The following TEAD1 variants were observed in gnomAD, a reference collection of about 807,000 sequenced individuals.
TEAD1 encodes transcriptional enhancer factor TEF-1.
In TEAD1, 9 loss-of-function variants were observed where a neutral mutation model predicts 54.9. The observed-to-expected ratio is 0.16, with a 90% CI of 0.10 to 0.29. The LOEUF is 0.29. Among genes scored for constraint, TEAD1 ranks in the 10% least tolerant of loss-of-function variants. The probability of loss-of-function intolerance (pLI) is 1.00; values close to 1 mark genes in which losing one functional copy is unlikely to be tolerated. For missense variants in TEAD1, 387 were observed against 535.9 expected (o/e 0.72, Z 2.74); for synonymous variants, 200 against 187.8 (o/e 1.07, Z -0.53).
chr11:12,936,345 T>G (rs1949098756), intron 12 of TEAD1, among the ~76,000 whole-genome samples: 2 of 152,164 alleles, frequency 1.3e-5, no homozygotes, highest in South Asian at 4.1e-4. Context: ...TCACAATACA[T>G]TTTGAAAGAT....
At chr11:12,889,929 C>T (rs1330509502) in intron 9 of TEAD1, among the ~76,000 whole-genome samples, 2 of 151,966 alleles carry the variant, frequency 1.3e-5, no homozygotes, top group African/African-American at 2.4e-5. Context: ...ACTATGTTGC[C>T]CAAGCTGGTC....
chr11:12,850,086 T>C (rs1451304688), intron 3 of TEAD1, among the ~76,000 whole-genome samples: 1 of 152,170 alleles, frequency 6.6e-6, no homozygotes, highest in East Asian at 1.9e-4. Flanking sequence ...TAGGACCCTA[T>C]ATATCAGTTC....
At position 12,893,378 on chromosome 11, in the gene TEAD1, C is replaced by T. The variant is rs934153482; in HGVS notation, c.700-8562C>T. Among the ~76,000 whole-genome samples, 6 of 152,298 alleles carry T rather than the reference C, an allele frequency of 3.9e-5. No homozygotes were observed. The East Asian group carries it at 9.7e-4, about 25-fold the overall frequency. On this transcript the variant is annotated intron_variant, in intron 9 of 12. Coordinates refer to ENST00000527636, the MANE Select transcript of TEAD1 (RefSeq NM_021961.6). ...GCCCTTGCCGAGCCACCTGCGAGCC[C>T]CTCCCGGCCCAGGGCACACTCTCTT... is the stretch of plus-strand genomic sequence containing the variant.
chr11:12,911,063 CTAT>C (rs1948609562), intron 10 of TEAD1, among the ~76,000 whole-genome samples: 1 of 152,098 alleles, frequency 6.6e-6, no homozygotes, highest in Non-Finnish European at 1.5e-5. Context: ...CTTTCTTAAC[CTAT>C]TATTTTTAAA....
chr11:12,856,883 T>G (rs1947393624), intron 3 of TEAD1, among the ~76,000 whole-genome samples: 1 of 152,174 alleles, frequency 6.6e-6, no homozygotes, highest in African/African-American at 2.4e-5. Flanking sequence ...TCTTTCTTGG[T>G]GGCTCCCTGA....
chr11:12,857,613 T>TGTGTGTGTGTGTGTGTGTGTGTGTGTGTG (rs1554942771), intron 3 of TEAD1, among the ~76,000 whole-genome samples: 2 of 151,108 alleles, frequency 1.3e-5, no homozygotes, highest in African/African-American at 4.9e-5. Flanking sequence ...TGTGTGTGTG[T>TGTGTGTGTGTGTGTGTGTGTGTGTGTGTG]TAGAAGATCA....
chr11:12,753,783 T>G (rs1474778001), intron 2 of TEAD1, among the ~76,000 whole-genome samples: 1 of 152,218 alleles, frequency 6.6e-6, no homozygotes. Flanking sequence ...TGATTAGTGC[T>G]TTTGTGTTCC....
chr11:12,788,062 G>A (rs542972372), intron 3 of TEAD1, among the ~76,000 whole-genome samples: 32 of 150,544 alleles, frequency 2.1e-4, no homozygotes, highest in Non-Finnish European at 4.0e-4. Context: ...TCCAGAGTTC[G>A]GGTGATTTTC....
chr11:12,678,844 A>G (rs1047413766), intron 2 of TEAD1, among the ~76,000 whole-genome samples: 1 of 152,214 alleles, frequency 6.6e-6, no homozygotes, highest in African/African-American at 2.4e-5. Context: ...TTGAAATTTG[A>G]CCATTTTTTC....
intron 4 of TEAD1, chr11:12,864,622 GTTTT>G: frequency 1.1e-6 from 1 of 948,864 alleles, no homozygotes. Context: ...TTCCTTTTTT[GTTTT>G]GTTTTGTTTT....
At chr11:12,758,407 T>C (rs867817727) in intron 2 of TEAD1, among the ~76,000 whole-genome samples, 2,576 of 129,282 alleles carry the variant, frequency 0.02, 79 homozygotes, top group African/African-American at 0.084. Context: ...CCCAGCTAGT[T>C]TTTTTTTTTT....
At chr11:12,875,151 C>T (rs75755038) in intron 5 of TEAD1, among the ~76,000 whole-genome samples, 20 of 152,318 alleles carry the variant, frequency 1.3e-4, no homozygotes, top group South Asian at 2.1e-4. Context: ...GGTGTGAAGA[C>T]ATCTTAAAAT....
chr11:12,745,246 G>C (rs960782932), intron 2 of TEAD1, among the ~76,000 whole-genome samples: 1 of 152,204 alleles, frequency 6.6e-6, no homozygotes, highest in African/African-American at 2.4e-5. Context: ...TGTCAATGCT[G>C]GTTGATAATT....
chr11:12,930,257 C>T lies in TEAD1; in HGVS notation c.1098C>T (p.Ile366=), dbSNP rs1262395269. The change falls in exon 12 of 13, where the codon ATC becomes ATT. Residue 366 remains isoleucine (I), a synonymous_variant. Transcript: ENST00000527636. ...TGTGTGAATATATGATCAACTTCAT[C>T]CACAAGCTCAAACACTTACCAGAGA... is the stretch of plus-strand genomic sequence containing the variant. 1.9e-6 allele frequency: 3 copies of T among 1,614,228 alleles called. No homozygotes were observed. Among genetic ancestry groups the T allele is most frequent in the African/African-American group, 1.3e-5 (1 of 75,048 alleles).
chr11:12,915,367 G>A (rs994721930), intron 10 of TEAD1, among the ~76,000 whole-genome samples: 7 of 152,164 alleles, frequency 4.6e-5, no homozygotes, highest in Admixed American at 2.0e-4. Flanking sequence ...TCCAGAGGAC[G>A]GAGGTTTTGC....
intron 2 of TEAD1, among the ~76,000 whole-genome samples, chr11:12,717,554 T>G (rs989775791): frequency 1.3e-5 from 2 of 152,178 alleles, no homozygotes; most frequent in African/African-American, 4.8e-5. Flanking sequence ...GTCAAAGTAG[T>G]GTTTGCCTTA....
At chr11:12,877,392 C>T (rs1468754826) in intron 5 of TEAD1, among the ~76,000 whole-genome samples, 1 of 152,206 alleles carries the variant, frequency 6.6e-6, no homozygotes, top group Non-Finnish European at 1.5e-5. Flanking sequence ...GTGGCTTACG[C>T]CTGTAATCCC....
chr11:12,731,302 AG>A (rs1329993717), intron 2 of TEAD1, among the ~76,000 whole-genome samples: 4 of 152,192 alleles, frequency 2.6e-5, no homozygotes, highest in Non-Finnish European at 5.9e-5. Flanking sequence ...GAAAATGTAG[AG>A]AAGCAAAATA....
intron 3 of TEAD1, among the ~76,000 whole-genome samples, chr11:12,849,895 C>A (rs1245995594): frequency 6.6e-6 from 1 of 152,224 alleles, no homozygotes; most frequent in East Asian, 1.9e-4. Flanking sequence ...TAAGATATCA[C>A]AATAAGTGCT....
Sources: gnomAD v4.1 joint callset for allele counts (sites outside exome capture counted in the v4.1 genomes callset) on GRCh38, gnomAD v4.1.1 for gene constraint, MANE v1.5 for transcripts, NCBI Gene and HGNC (gene_info 2026-07-23, HGNC 2026-07-21) for gene names.